The following PCDH9 variants were observed in gnomAD, a reference collection of about 807,000 sequenced individuals.
PCDH9 encodes protocadherin-9.
Under a neutral mutation model 70.6 loss-of-function variants are expected in PCDH9, and 24 were observed. The observed-to-expected ratio is 0.34, with a 90% CI of 0.25 to 0.48. The LOEUF (loss-of-function observed/expected upper bound fraction) is 0.48, where lower values mean the gene tolerates loss of function less well. PCDH9 is among the 20% of genes least tolerant of loss of function. The pLI, the probability that PCDH9 is intolerant of heterozygous loss-of-function variation, is 0.99. For synonymous variants in PCDH9, 562 were observed against 558.5 expected (o/e 1.01, Z -0.09); for missense variants, 1,281 against 1,503.6 (o/e 0.85, Z 2.45).
At chr13:66,432,622 C>A (rs1234435619) in intron 4 of PCDH9, among the ~76,000 whole-genome samples, 1 of 151,926 alleles carries the variant, frequency 6.6e-6, no homozygotes, top group African/African-American at 2.4e-5. Flanking sequence ...AGAGAAATGA[C>A]TAATGAGTGT....
intron 2 of PCDH9, among the ~76,000 whole-genome samples, chr13:66,922,464 T>C (rs527737603): frequency 3.3e-5 from 5 of 151,510 alleles, no homozygotes; most frequent in South Asian, 2.1e-4. Context: ...GGAATGCTAA[T>C]AGACATTTTG....
At chr13:66,582,294 G>A (rs2076903363) in intron 4 of PCDH9, among the ~76,000 whole-genome samples, 1 of 151,952 alleles carries the variant, frequency 6.6e-6, no homozygotes, top group African/African-American at 2.4e-5. Context: ...AGTCATTTAA[G>A]CAATTATCCT....
intron 3 of PCDH9, among the ~76,000 whole-genome samples, chr13:66,694,492 C>T (rs1483115497): frequency 6.6e-6 from 1 of 152,104 alleles, no homozygotes; most frequent in Non-Finnish European, 1.5e-5. Flanking sequence ...TGGCTACTCT[C>T]ACACAAACGT....
At chr13:66,706,689 G>T (rs1336597323) in intron 3 of PCDH9, among the ~76,000 whole-genome samples, 2 of 152,204 alleles carry the variant, frequency 1.3e-5, no homozygotes, top group African/African-American at 4.8e-5. Context: ...AGAGGGGAAG[G>T]CTATGAAAGA....
At chr13:67,034,921 G>A (rs368202700) in intron 2 of PCDH9, among the ~76,000 whole-genome samples, 1 of 151,576 alleles carries the variant, frequency 6.6e-6, no homozygotes, top group African/African-American at 2.4e-5. Flanking sequence ...GATACATCAT[G>A]CCTATGAAAA....
intron 4 of PCDH9, among the ~76,000 whole-genome samples, chr13:66,363,922 A>G (rs943640636): frequency 6.6e-6 from 1 of 152,120 alleles, no homozygotes; most frequent in Admixed American, 6.6e-5. Context: ...TGGGAGGCCG[A>G]GGCAGGTGGA....
chr13:66,388,647 A>G (rs866652994), intron 4 of PCDH9, among the ~76,000 whole-genome samples: 2 of 152,188 alleles, frequency 1.3e-5, no homozygotes, highest in African/African-American at 4.8e-5. Context: ...TGCACAAAAT[A>G]TAATTAGAAG....
At chr13:66,801,906 C>T (rs1019344344) in intron 3 of PCDH9, among the ~76,000 whole-genome samples, 12 of 151,900 alleles carry the variant, frequency 7.9e-5, no homozygotes, top group Non-Finnish European at 1.5e-4. Context: ...AAACTGCATA[C>T]TCAACAAATT....
chr13:66,605,728 T>G (rs912637526), intron 4 of PCDH9, among the ~76,000 whole-genome samples: 2 of 152,168 alleles, frequency 1.3e-5, no homozygotes, highest in Non-Finnish European at 2.9e-5. Context: ...TCATACATTA[T>G]CTTAATAGAC....
chr13:66,325,328 TCTAA>T (rs1471761896), intron 4 of PCDH9, among the ~76,000 whole-genome samples: 1 of 152,074 alleles, frequency 6.6e-6, no homozygotes, highest in African/African-American at 2.4e-5. Context: ...TCTTTAGGTC[TCTAA>T]CTGATTGCTT....
intron 3 of PCDH9, among the ~76,000 whole-genome samples, chr13:66,779,849 C>CTCTCTCTATA (rs1395244975): frequency 3.3e-3 from 257 of 78,892 alleles, no homozygotes; most frequent in African/African-American, 8.6e-3. Context: ...CTCTCTCTCT[C>CTCTCTCTATA]TATATATATA....
intron 4 of PCDH9, among the ~76,000 whole-genome samples, chr13:66,530,906 T>A (rs901545639): frequency 2.0e-5 from 3 of 152,006 alleles, no homozygotes; most frequent in African/African-American, 7.2e-5. Flanking sequence ...ATCACTGACT[T>A]TTACCACTGA....
chr13:66,518,657 C>T (rs1047668263), intron 4 of PCDH9, among the ~76,000 whole-genome samples: 8 of 151,908 alleles, frequency 5.3e-5, no homozygotes. Context: ...AATGAGAAAA[C>T]GCCCGAGGTT....
Position 66,467,313 on chromosome 13 carries a change from T to C in PCDH9, c.3341-162285A>G, listed in dbSNP as rs111452557. Among the ~76,000 whole-genome samples the C allele has an allele frequency of 3.0e-3, 462 of 152,242 alleles. 1 individual carries two copies. Among genetic ancestry groups the C allele is most frequent in the Non-Finnish European group, 5.4e-3 (366 of 67,996 alleles). On this transcript the variant is annotated intron_variant, in intron 4 of 4. Coordinates refer to ENST00000377865, the MANE Select transcript of PCDH9 (RefSeq NM_203487.3). ...TCCTCACGCCAACCCTCAGTCTTAC[T>C]GGTCCTCTGTCATAAAGACAAGACT...
At chr13:66,497,781 CAGAGTTGAGAAAA>C (rs1394560829) in intron 4 of PCDH9, among the ~76,000 whole-genome samples, 2 of 149,208 alleles carry the variant, frequency 1.3e-5, no homozygotes, top group Non-Finnish European at 1.5e-5. Flanking sequence ...AGGACATACA[CAGAGTTGAGAAAA>C]AGTGCTATAC....
At chr13:66,805,290 T>C (rs2080392560) in intron 3 of PCDH9, among the ~76,000 whole-genome samples, 1 of 152,154 alleles carries the variant, frequency 6.6e-6, no homozygotes, top group East Asian at 1.9e-4. Flanking sequence ...GTCCTAATTA[T>C]CAAACAAGGG....
At chr13:66,914,437 G>A (rs112940337) in intron 2 of PCDH9, 4 of 151,770 alleles carry the variant, frequency 2.6e-5, no homozygotes, top group South Asian at 2.1e-4. Context: ...TGTGGAATAC[G>A]AACACTTCTC....
intron 2 of PCDH9, among the ~76,000 whole-genome samples, chr13:67,170,222 G>A (rs1436022324): frequency 6.6e-6 from 1 of 152,090 alleles, no homozygotes. Context: ...GCTTCATTAA[G>A]AAAATTTAAA....
intron 4 of PCDH9, among the ~76,000 whole-genome samples, chr13:66,616,210 T>C (rs2077353717): frequency 6.6e-6 from 1 of 152,200 alleles, no homozygotes; most frequent in South Asian, 2.1e-4. Flanking sequence ...TCACAGGTGT[T>C]TGAGGATATA....
Sources: gnomAD v4.1 joint callset for allele counts (sites outside exome capture counted in the v4.1 genomes callset) on GRCh38, gnomAD v4.1.1 for gene constraint, MANE v1.5 for transcripts, NCBI Gene and HGNC (gene_info 2026-07-23, HGNC 2026-07-21) for gene names.